Variants in PCDH9 observed in about 807,000 individuals in gnomAD.
PCDH9 encodes the protein protocadherin 9, also known as protocadherin-9.
PCDH9 carries 24 observed loss-of-function variants against 70.6 expected under a neutral mutation model. The ratio of observed to expected loss-of-function variants is 0.34; its 90% confidence interval spans 0.25 to 0.48. The LOEUF (loss-of-function observed/expected upper bound fraction) is 0.48. Among genes scored for constraint, PCDH9 ranks in the 20% least tolerant of loss-of-function variants. The pLI is 0.99. For synonymous variants in PCDH9, 562 were observed against 558.5 expected (o/e 1.01, Z -0.09); for missense variants, 1,281 against 1,503.6 (o/e 0.85, Z 2.45).
At chr13:66,868,253 T>G (rs2081610151) in intron 3 of PCDH9, among the ~76,000 whole-genome samples, 1 of 151,938 alleles carries the variant, frequency 6.6e-6, no homozygotes, top group Admixed American at 6.6e-5. Context: ...ACTGGGCAAA[T>G]TAGGTAATTT....
chr13:66,999,256 G>C (rs2084187833), intron 2 of PCDH9, among the ~76,000 whole-genome samples: 1 of 152,114 alleles, frequency 6.6e-6, no homozygotes, highest in South Asian at 2.1e-4. Context: ...GTCAGGCAAA[G>C]TTGAGATACA....
intron 2 of PCDH9, among the ~76,000 whole-genome samples, chr13:67,200,547 C>A (rs2089184180): frequency 6.6e-6 from 1 of 152,030 alleles, no homozygotes; most frequent in Non-Finnish European, 1.5e-5. Flanking sequence ...AAGAGTCTAG[C>A]TTTACCATTT....
At chr13:66,503,001 C>G (rs1349488787) in intron 4 of PCDH9, among the ~76,000 whole-genome samples, 3 of 152,152 alleles carry the variant, frequency 2.0e-5, no homozygotes, top group African/African-American at 7.2e-5. Flanking sequence ...TGCCCACATT[C>G]TTTGTAAAAT....
chr13:66,421,694 G>C (rs567270967), intron 4 of PCDH9, among the ~76,000 whole-genome samples: 2 of 152,158 alleles, frequency 1.3e-5, no homozygotes, highest in African/African-American at 4.8e-5. Flanking sequence ...ACCGGTACCA[G>C]CCACTGCAAA....
At chr13:66,775,716 A>G (rs1307705996) in intron 3 of PCDH9, among the ~76,000 whole-genome samples, 1 of 152,200 alleles carries the variant, frequency 6.6e-6, no homozygotes, top group Non-Finnish European at 1.5e-5. Flanking sequence ...AATATGTGTT[A>G]ATTAAATTTT....
intron 3 of PCDH9, among the ~76,000 whole-genome samples, chr13:66,673,093 T>C (rs2078198911): frequency 6.6e-6 from 1 of 152,182 alleles, no homozygotes; most frequent in Admixed American, 6.5e-5. Flanking sequence ...GGCAAAATGA[T>C]ATGGTTCTGC....
At position 66,960,122 on chromosome 13, in the gene PCDH9, T is replaced by A. The variant is rs1238581956; in HGVS notation, c.3037-56517A>T. Among the ~76,000 whole-genome samples the A allele has an allele frequency of 2.0e-5, 3 of 152,214 alleles. No homozygotes were observed. The East Asian group carries it at 5.8e-4, about 29-fold the overall frequency. Reference sequence around the variant, plus strand: ...AGAAAGATCCGTTTTTAAATTTTTGTAACTGGACTGAAATCAAAACACCTC... The same window carrying A: ...AGAAAGATCCGTTTTTAAATTTTTGAAACTGGACTGAAATCAAAACACCTC... On this transcript the variant is annotated intron_variant, in intron 2 of 4. Transcript: ENST00000377865.
At chr13:66,836,437 T>C (rs1171564270) in intron 3 of PCDH9, among the ~76,000 whole-genome samples, 1 of 152,218 alleles carries the variant, frequency 6.6e-6, no homozygotes, top group Non-Finnish European at 1.5e-5. Flanking sequence ...GTCTTGCTGA[T>C]ACCTAGTCTT....
At chr13:66,397,694 CTG>C (rs1168480299) in intron 4 of PCDH9, among the ~76,000 whole-genome samples, 1 of 151,178 alleles carries the variant, frequency 6.6e-6, no homozygotes, top group East Asian at 1.9e-4. Flanking sequence ...CTTTGTGAAA[CTG>C]TTCCATATGT....
chr13:66,865,631 C>T (rs1245762478), intron 3 of PCDH9, among the ~76,000 whole-genome samples: 1 of 152,150 alleles, frequency 6.6e-6, no homozygotes, highest in Non-Finnish European at 1.5e-5. Flanking sequence ...TGTATCTTCC[C>T]TCTGGTGTAG....
intron 2 of PCDH9, among the ~76,000 whole-genome samples, chr13:66,932,659 C>CATATATATATATAT (rs199791250): frequency 0.066 from 8,521 of 129,488 alleles, 328 homozygotes; most frequent in Middle Eastern, 0.11. Context: ...TAAATCCTCA[C>CATATATATATATAT]ATATATATAT....
chr13:66,794,172 TAA>T (rs1487239132), intron 3 of PCDH9, among the ~76,000 whole-genome samples: 1 of 151,764 alleles, frequency 6.6e-6, no homozygotes, highest in African/African-American at 2.4e-5. Flanking sequence ...CCCATTAAAA[TAA>T]AAAACGTAGA....
chr13:66,605,793 C>CT (rs200934639), intron 4 of PCDH9, among the ~76,000 whole-genome samples: 9 of 151,642 alleles, frequency 5.9e-5, no homozygotes, highest in South Asian at 2.1e-4. Flanking sequence ...AATGACTGTA[C>CT]TTTTTTTTTC....
At chr13:67,171,121 G>A (rs1010719701) in intron 2 of PCDH9, among the ~76,000 whole-genome samples, 7 of 152,090 alleles carry the variant, frequency 4.6e-5, no homozygotes, top group African/African-American at 1.7e-4. Context: ...CCATGAACTG[G>A]TGCCATATTC....
intron 4 of PCDH9, among the ~76,000 whole-genome samples, chr13:66,600,765 CGTGTGTGTGTGTGTGT>C (rs10579707): frequency 7.5e-6 from 1 of 132,940 alleles, no homozygotes; most frequent in Non-Finnish European, 1.7e-5. Context: ...TAATTAAGAA[CGTGTGTGTGTGTGTGT>C]GTGTGTGTGT....
intron 3 of PCDH9, among the ~76,000 whole-genome samples, chr13:66,685,681 C>T (rs1301832105): frequency 6.6e-6 from 1 of 152,206 alleles, no homozygotes; most frequent in East Asian, 1.9e-4. Context: ...TGAAGGAGGG[C>T]TATACCCTAC....
chr13:67,147,492 A>T (rs1258176763), intron 2 of PCDH9, among the ~76,000 whole-genome samples: 1 of 152,188 alleles, frequency 6.6e-6, no homozygotes. Context: ...CTGTTCAGGC[A>T]GCCTGCAGTG....
chr13:66,442,064 A>G (rs1403283425), intron 4 of PCDH9, among the ~76,000 whole-genome samples: 2 of 152,158 alleles, frequency 1.3e-5, no homozygotes, highest in Non-Finnish European at 2.9e-5. Context: ...ATAAGTTTAC[A>G]GGTAATGTTT....
chr13:67,221,292 T>C (rs2089719231), intron 2 of PCDH9: 1 of 152,118 alleles, frequency 6.6e-6, no homozygotes, highest in African/African-American at 2.4e-5. Context: ...TTCCGCATTT[T>C]ACATAACATA....
Sources: allele counts gnomAD v4.1 joint callset (sites outside exome capture counted in the v4.1 genomes callset), GRCh38; gene constraint gnomAD v4.1.1; transcripts MANE v1.5; gene names NCBI Gene and HGNC (gene_info 2026-07-23, HGNC 2026-07-21).